The following TIMD4 variants were observed in gnomAD, a reference collection of about 807,000 sequenced individuals.
TIMD4 encodes the protein T-cell immunoglobulin and mucin domain-containing protein 4.
TIMD4 carries 31 observed loss-of-function variants against 41.2 expected under a neutral mutation model. The observed-to-expected ratio is 0.75, with a 90% confidence interval of 0.57 to 1.01. TIMD4 has a LOEUF of 1.01. Among genes scored for constraint, TIMD4 ranks in the 50% least tolerant of loss-of-function variants. The pLI is 0.00. For missense variants in TIMD4, 479 were observed against 472.5 expected, an observed-to-expected ratio of 1.01 and a Z score of -0.13; for synonymous variants, 204 against 177.1, an observed-to-expected ratio of 1.15 and a Z score of -1.21.
chr5:156,959,910 G>C (rs925916878), intron 1 of TIMD4, among the ~76,000 whole-genome samples: 2 of 152,036 alleles, frequency 1.3e-5, no homozygotes, highest in African/African-American at 4.8e-5. Context: ...AGCTGTGGTG[G>C]CGGGCGCCTG....
chr5:156,929,991 G>T (rs1759417417), intron 5 of TIMD4, among the ~76,000 whole-genome samples: 1 of 152,088 alleles, frequency 6.6e-6, no homozygotes, highest in Non-Finnish European at 1.5e-5. Context: ...TTATTTTGGA[G>T]ACAGAGTCTC....
chr5:156,950,539 T>C (rs1759833171), intron 3 of TIMD4, among the ~76,000 whole-genome samples: 1 of 152,184 alleles, frequency 6.6e-6, no homozygotes, highest in Admixed American at 6.5e-5. Flanking sequence ...AGCTGAAATA[T>C]CTAAGAAAGC....
chr5:156,951,466 C>T (rs1183193068), intron 3 of TIMD4, 46 bp downstream of exon 3: 1 of 1,603,524 alleles, frequency 6.2e-7, no homozygotes. Flanking sequence ...CTGCCTCATT[C>T]AGTGAGACAG....
intron 3 of TIMD4, among the ~76,000 whole-genome samples, chr5:156,950,893 G>A (rs1759838884): frequency 6.6e-6 from 1 of 152,110 alleles, no homozygotes; most frequent in South Asian, 2.1e-4. Flanking sequence ...AGACTCCTTA[G>A]AGGTCAATTG....
At chr5:156,951,250 G>A (rs1759846953) in intron 3 of TIMD4, among the ~76,000 whole-genome samples, 1 of 152,186 alleles carries the variant, frequency 6.6e-6, no homozygotes, top group Non-Finnish European at 1.5e-5. Context: ...ACAGCCACCT[G>A]CAAGCCAAGG....
At chr5:156,948,109 G>A (rs1273596223) in intron 5 of TIMD4, among the ~76,000 whole-genome samples, 1 of 152,156 alleles carries the variant, frequency 6.6e-6, no homozygotes, top group Non-Finnish European at 1.5e-5. Context: ...GCGGGAGGAT[G>A]TGGTACGTGG....
At chr5:156,921,616 C>CCA (rs1561542964) in intron 7 of TIMD4, among the ~76,000 whole-genome samples, 22 of 47,252 alleles carry the variant, frequency 4.7e-4, no homozygotes, top group Non-Finnish European at 6.4e-4. Flanking sequence ...GAGACTCTCT[C>CCA]AAAAAAAAAA....
chr5:156,931,149 G>A (rs1394430627), intron 5 of TIMD4, among the ~76,000 whole-genome samples: 1 of 152,150 alleles, frequency 6.6e-6, no homozygotes, highest in Non-Finnish European at 1.5e-5. Flanking sequence ...ATGCCTCTAG[G>A]AGCTAGAAAA....
At chr5:156,922,751 T>G (rs1434365563) in intron 6 of TIMD4, among the ~76,000 whole-genome samples, 1 of 150,736 alleles carries the variant, frequency 6.6e-6, no homozygotes, top group Non-Finnish European at 1.5e-5. Context: ...TGTGATGTCA[T>G]TGCTGTCACT....
At chr5:156,928,629 C>CTT (rs1344142288) in intron 5 of TIMD4, among the ~76,000 whole-genome samples, 8 of 152,078 alleles carry the variant, frequency 5.3e-5, no homozygotes, top group Non-Finnish European at 1.2e-4. Context: ...TTCCTTTGTA[C>CTT]TTAAGGCAAA....
chr5:156,951,441 G>C (rs1759851172), intron 3 of TIMD4, 71 bp downstream of exon 3: 2 of 1,573,992 alleles, frequency 1.3e-6, no homozygotes, highest in Non-Finnish European at 1.7e-6. Flanking sequence ...CACTGAGAGA[G>C]AGCAAGTCAC....
At position 156,951,736 on chromosome 5, in the gene TIMD4, G is replaced by A; in HGVS notation, c.455C>T (p.Thr152Ile). ...CATTTGTCGGGTGGTGGTGGGGCTTGTTGTTGTTGTTCTGCGTGTGGTGGT... is the reference window on the plus strand; with the variant it reads ...CATTTGTCGGGTGGTGGTGGGGCTTATTGTTGTTGTTCTGCGTGTGGTGGT... Reference protein sequence around the residue: ...ATTTTRRTTTTSPTTTRQMTT... With the variant: ...ATTTTRRTTTISPTTTRQMTT... The change falls in exon 3 of 9, where the codon ACA (threonine) becomes ATA (isoleucine). Residue 152 changes from threonine to isoleucine, a missense_variant. Coordinates refer to ENST00000274532, the MANE Select transcript of TIMD4 (RefSeq NM_138379.3). 6.2e-7 allele frequency: 1 copy of A among 1,613,680 alleles called. No individual in the cohort carries two copies. Among genetic ancestry groups the A allele is most frequent in the South Asian group, 1.1e-5 (1 of 90,930 alleles).
At chr5:156,953,384 G>A (rs1365299328) in intron 2 of TIMD4, among the ~76,000 whole-genome samples, 2 of 152,068 alleles carry the variant, frequency 1.3e-5, no homozygotes, top group African/African-American at 4.8e-5. Flanking sequence ...GGCCGGGTGT[G>A]GTGGCTCATG....
chr5:156,961,647 A>G (rs1488955526), intron 1 of TIMD4, among the ~76,000 whole-genome samples: 1 of 142,872 alleles, frequency 7.0e-6, no homozygotes, highest in Non-Finnish European at 1.5e-5. Flanking sequence ...TACTAAAAAT[A>G]CAAAAATTAG....
chr5:156,947,379 C>T (rs1398018595), intron 5 of TIMD4, among the ~76,000 whole-genome samples: 1 of 152,100 alleles, frequency 6.6e-6, no homozygotes, highest in African/African-American at 2.4e-5. Flanking sequence ...TTTCTACAAG[C>T]TATTAAATTT....
At chr5:156,924,679 C>A in intron 6 of TIMD4, 1 of 174,676 alleles carries the variant, frequency 5.7e-6, no homozygotes, top group Non-Finnish European at 1.2e-5. Context: ...TTTCTAAAGC[C>A]AGGAAATGTG....
intron 2 of TIMD4, among the ~76,000 whole-genome samples, chr5:156,953,317 A>C (rs890389376): frequency 7.9e-5 from 12 of 152,192 alleles, no homozygotes; most frequent in African/African-American, 2.7e-4. Context: ...AAGCATTTAC[A>C]TCAGTTGGCC....
At chr5:156,952,525 T>G (rs1759882416) in intron 2 of TIMD4, among the ~76,000 whole-genome samples, 2 of 152,078 alleles carry the variant, frequency 1.3e-5, no homozygotes, top group Admixed American at 1.3e-4. Flanking sequence ...TCAGCAACCT[T>G]CCCGCTGCAC....
rs375766498 is a variant in TIMD4 at position 156,926,258 on chromosome 5, T to C, written c.894+5A>G. The C allele has an allele frequency of 2.5e-6, 4 of 1,613,100 alleles. No individual in the cohort carries two copies. The African/African-American group carries it at 5.3e-5, about 22-fold the overall frequency. On this transcript the variant is annotated splice_donor_5th_base_variant and intron_variant, in intron 6 of 8. Coordinates refer to ENST00000274532, the MANE Select transcript of TIMD4 (RefSeq NM_138379.3). ...TATACTGCAAATACTTCACAGATTT[T>C]TTACCTGTCCTGTTTTTGTTGTTTT...
Sources: gnomAD v4.1 joint callset for allele counts (sites outside exome capture counted in the v4.1 genomes callset) on GRCh38, gnomAD v4.1.1 for gene constraint, MANE v1.5 for transcripts, NCBI Gene and HGNC (gene_info 2026-07-23, HGNC 2026-07-21) for gene names.